The following PCDH9 variants were observed in gnomAD, a reference collection of about 807,000 sequenced individuals.
PCDH9 encodes protocadherin 9.
A neutral mutation model predicts 70.6 loss-of-function variants in PCDH9; 24 were observed. The observed-to-expected ratio is 0.34, with a 90% confidence interval of 0.25 to 0.48. The LOEUF (loss-of-function observed/expected upper bound fraction) is 0.48. Ranked by LOEUF, PCDH9 falls within the 20% of genes least tolerant of loss-of-function variation. The pLI is 0.99. For missense variants in PCDH9, 1,281 were observed against 1,503.6 expected (o/e 0.85, Z 2.45); for synonymous variants, 562 against 558.5 (o/e 1.01, Z -0.09).
chr13:66,309,465 T>G (rs991604357), intron 4 of PCDH9, among the ~76,000 whole-genome samples: 22 of 152,134 alleles, frequency 1.4e-4, no homozygotes, highest in African/African-American at 5.3e-4. Flanking sequence ...AAGTACTGAC[T>G]GAGTTTTTAT....
intron 3 of PCDH9, among the ~76,000 whole-genome samples, chr13:66,720,474 AT>A (rs1378283754): frequency 6.6e-6 from 1 of 151,416 alleles, no homozygotes; most frequent in African/African-American, 2.4e-5. Flanking sequence ...CATTTCCTAG[AT>A]TTCATTTAAA....
intron 3 of PCDH9, among the ~76,000 whole-genome samples, chr13:66,670,007 A>G (rs968906904): frequency 4.6e-5 from 7 of 152,264 alleles, no homozygotes; most frequent in Admixed American, 3.3e-4. Context: ...GGTACCTCTA[A>G]AAGAGGACTT....
chr13:67,105,772 G>A (rs1007531313), intron 2 of PCDH9, among the ~76,000 whole-genome samples: 14 of 151,838 alleles, frequency 9.2e-5, no homozygotes, highest in African/African-American at 3.4e-4. Context: ...TTGCTTAAAT[G>A]TGTAATACAA....
intron 2 of PCDH9, among the ~76,000 whole-genome samples, chr13:67,110,353 A>G (rs1300881332): frequency 1.3e-5 from 2 of 149,856 alleles, no homozygotes; most frequent in Non-Finnish European, 3.0e-5. Flanking sequence ...CGTCTCCACT[A>G]AAATACAAAA....
At chr13:67,193,386 A>G (rs2088973469) in intron 2 of PCDH9, among the ~76,000 whole-genome samples, 2 of 151,466 alleles carry the variant, frequency 1.3e-5, no homozygotes, top group Admixed American at 1.3e-4. Flanking sequence ...GAAAAAATCA[A>G]TCTCTGGCAC....
At chr13:67,113,978 A>G (rs2086711139) in intron 2 of PCDH9, among the ~76,000 whole-genome samples, 1 of 152,226 alleles carries the variant, frequency 6.6e-6, no homozygotes, top group African/African-American at 2.4e-5. Context: ...GCTGCCTACA[A>G]TATATGCCAA....
intron 3 of PCDH9, among the ~76,000 whole-genome samples, chr13:66,710,199 C>G (rs968181370): frequency 6.6e-6 from 1 of 151,988 alleles, no homozygotes; most frequent in African/African-American, 2.4e-5. Context: ...ATTTTTCTTA[C>G]TGAAAATTAA....
At chr13:66,606,794 A>C (rs554969897) in intron 4 of PCDH9, among the ~76,000 whole-genome samples, 1 of 152,220 alleles carries the variant, frequency 6.6e-6, no homozygotes, top group South Asian at 2.1e-4. Flanking sequence ...AGTAGCAGGA[A>C]TTCTCTTTTA....
chr13:66,739,876 C>T (rs1302889012), intron 3 of PCDH9, among the ~76,000 whole-genome samples: 7 of 136,422 alleles, frequency 5.1e-5, no homozygotes, highest in Admixed American at 1.5e-4. Context: ...ACTTAGACTC[C>T]CACACATTAA....
chr13:66,849,531 G>T (rs1594147037), intron 3 of PCDH9, among the ~76,000 whole-genome samples: 1 of 148,512 alleles, frequency 6.7e-6, no homozygotes, highest in African/African-American at 2.5e-5. Flanking sequence ...GAGAGAGAGA[G>T]AGAGAGAGAG....
chr13:66,737,936 C>G (rs994229191), intron 3 of PCDH9, among the ~76,000 whole-genome samples: 176 of 152,202 alleles, frequency 1.2e-3, no homozygotes, highest in African/African-American at 4.0e-3. Context: ...CCCGCCATTG[C>G]CCAGGCTTGC....
chr13:66,455,326 A>G (rs1363539190), intron 4 of PCDH9, among the ~76,000 whole-genome samples: 4 of 151,758 alleles, frequency 2.6e-5, no homozygotes, highest in African/African-American at 9.7e-5. Flanking sequence ...GTTTTTGAAC[A>G]CATTCTTCTT....
chr13:66,522,007 C>CA (rs1013754777), intron 4 of PCDH9, among the ~76,000 whole-genome samples: 3 of 133,812 alleles, frequency 2.2e-5, no homozygotes, highest in African/African-American at 8.1e-5. Flanking sequence ...GACCCTGTCT[C>CA]AAAAAAAAAG....
chr13:66,587,665 C>CTGTG (rs558358303), intron 4 of PCDH9, among the ~76,000 whole-genome samples: 2 of 152,046 alleles, frequency 1.3e-5, no homozygotes, highest in African/African-American at 4.8e-5. Context: ...ATACAGTACT[C>CTGTG]TGTGTGTATG....
intron 4 of PCDH9, among the ~76,000 whole-genome samples, chr13:66,308,639 T>C (rs888265565): frequency 2.0e-5 from 3 of 151,942 alleles, no homozygotes; most frequent in Non-Finnish European, 4.4e-5. Context: ...AGTTTATATA[T>C]GAAAAACTGA....
intron 2 of PCDH9, among the ~76,000 whole-genome samples, chr13:67,013,147 G>T (rs1281810809): frequency 2.0e-5 from 3 of 151,758 alleles, no homozygotes. Flanking sequence ...GTATCTAGGT[G>T]AATGTATTGG....
At chr13:66,519,266 A>G (rs1215554362) in intron 4 of PCDH9, among the ~76,000 whole-genome samples, 1 of 152,028 alleles carries the variant, frequency 6.6e-6, no homozygotes. Context: ...AAAACCAGAT[A>G]CCTGGTAAGA....
intron 4 of PCDH9, among the ~76,000 whole-genome samples, chr13:66,413,804 A>C (rs971572540): frequency 6.6e-6 from 1 of 152,156 alleles, no homozygotes; most frequent in African/African-American, 2.4e-5. Flanking sequence ...AAGAGAAAAC[A>C]ATAAATATTT....
chr13:66,917,485 C>T (rs1357896046), intron 2 of PCDH9, among the ~76,000 whole-genome samples: 1 of 151,406 alleles, frequency 6.6e-6, no homozygotes, highest in Non-Finnish European at 1.5e-5. Context: ...CTAATCACTA[C>T]AGTCTTGATG....
Sources: gnomAD v4.1 joint callset for allele counts (sites outside exome capture counted in the v4.1 genomes callset) on GRCh38, gnomAD v4.1.1 for gene constraint, MANE v1.5 for transcripts, NCBI Gene and HGNC (gene_info 2026-07-23, HGNC 2026-07-21) for gene names.